GPATCH2: variants seen among roughly 807,000 people sequenced by gnomAD.
The protein encoded by GPATCH2 is G-patch domain containing 2.
GPATCH2 carries 51 observed loss-of-function variants against 58.0 expected under a neutral mutation model. The observed-to-expected ratio is 0.88, with a 90% CI of 0.70 to 1.11. The LOEUF (loss-of-function observed/expected upper bound fraction) is 1.11. Ranked by LOEUF, GPATCH2 falls within the 50% of genes most tolerant of loss-of-function variation. GPATCH2 has a pLI of 0.00. For synonymous variants in GPATCH2, 222 were observed against 218.5 expected (o/e 1.02, Z -0.14); for missense variants, 625 against 652.2 (o/e 0.96, Z 0.45).
intron 5 of GPATCH2, among the ~76,000 whole-genome samples, chr1:217,603,111 G>A (rs2102796524): frequency 6.6e-6 from 1 of 152,172 alleles, no homozygotes; most frequent in African/African-American, 2.4e-5. Context: ...CACATAGTAA[G>A]TAAGCATCAT....
chr1:217,494,293 G>A (rs1230557711), intron 7 of GPATCH2, among the ~76,000 whole-genome samples: 3 of 152,076 alleles, frequency 2.0e-5, no homozygotes, highest in African/African-American at 7.2e-5. Context: ...ATACATCTGG[G>A]GATACCACTG....
At chr1:217,432,208 T>C (rs1467228208) in intron 9 of GPATCH2, among the ~76,000 whole-genome samples, 1 of 152,068 alleles carries the variant, frequency 6.6e-6, no homozygotes, top group South Asian at 2.1e-4. Context: ...AGGAGATTGG[T>C]TAGTGCTTAA....
chr1:217,462,282 T>C (rs1035121702), intron 8 of GPATCH2, among the ~76,000 whole-genome samples: 2 of 152,180 alleles, frequency 1.3e-5, no homozygotes, highest in African/African-American at 4.8e-5. Flanking sequence ...TAGAAAAACA[T>C]ACAAGTCCCT....
Position 217,503,304 on chromosome 1 carries a change from G to C in GPATCH2, c.1167-4909C>G, listed in dbSNP as rs1662393238. On this transcript the variant is annotated intron_variant, in intron 6 of 9. Transcript: ENST00000366935. ...TAAAAAGTGACGTAGGAAGAAATCA[G>C]GAGTATAATATCATGGTAGGATGGA... Among the ~76,000 whole-genome samples the C allele has an allele frequency of 2.0e-5, 3 of 152,074 alleles. No individual in the cohort carries two copies. The South Asian group carries it at 6.2e-4, about 32-fold the overall frequency.
chr1:217,453,350 T>C (rs542103211), intron 8 of GPATCH2, among the ~76,000 whole-genome samples: 12 of 152,218 alleles, frequency 7.9e-5, no homozygotes, highest in African/African-American at 2.9e-4. Context: ...GATATTTGCA[T>C]GGGGAGGAAG....
chr1:217,516,715 G>A (rs895374095), intron 5 of GPATCH2, among the ~76,000 whole-genome samples: 1 of 152,186 alleles, frequency 6.6e-6, no homozygotes, highest in African/African-American at 2.4e-5. Flanking sequence ...TGCCAAGGCT[G>A]CTGACAACCT....
chr1:217,538,660 T>G (rs1664590117), intron 5 of GPATCH2, among the ~76,000 whole-genome samples: 1 of 152,132 alleles, frequency 6.6e-6, no homozygotes, highest in Non-Finnish European at 1.5e-5. Flanking sequence ...GACTGTGGCT[T>G]GGGTTGGAAG....
chr1:217,609,884 A>T (rs1668542175), intron 5 of GPATCH2: 1 of 920,398 alleles, frequency 1.1e-6, no homozygotes, highest in Non-Finnish European at 1.3e-6. Flanking sequence ...GATTCAATGT[A>T]AAAAAAAAAC....
chr1:217,489,994 T>C (rs1356563118), intron 8 of GPATCH2, among the ~76,000 whole-genome samples: 1 of 152,250 alleles, frequency 6.6e-6, no homozygotes, highest in South Asian at 2.1e-4. Flanking sequence ...AATCAGTATA[T>C]TGGCTCGTTA....
chr1:217,516,516 A>C (rs1251620672), intron 5 of GPATCH2, among the ~76,000 whole-genome samples: 1 of 152,174 alleles, frequency 6.6e-6, no homozygotes, highest in African/African-American at 2.4e-5. Context: ...TCTCAAAATG[A>C]GGTTTTCATG....
chr1:217,614,223 G>T lies in GPATCH2; in HGVS notation c.774-21C>A, dbSNP rs779471121. 7 of 1,444,606 alleles carry T rather than the reference G, an allele frequency of 4.8e-6. No individual in the cohort carries two copies. In the African/African-American group the frequency reaches 8.4e-5, roughly 17 times the overall value. 89.5% of individuals were successfully genotyped at this position (1,444,606 alleles called of 1,614,324 possible). A position where few individuals can be genotyped will look rare whatever the true frequency, so the allele number is the denominator to read the frequency against. On this transcript the variant is annotated intron_variant, in intron 2 of 9. Transcript: ENST00000366935. Reference sequence around the variant, plus strand: ...AATCACTGTAATAAGGAAAAAGAAAGAAACAGATCAAAAGAACAATTGATC... The same window carrying T: ...AATCACTGTAATAAGGAAAAAGAAATAAACAGATCAAAAGAACAATTGATC...
intron 9 of GPATCH2, among the ~76,000 whole-genome samples, chr1:217,436,720 T>G (rs1658852546): frequency 6.6e-6 from 1 of 152,168 alleles, no homozygotes; most frequent in Admixed American, 6.5e-5. Flanking sequence ...TTTCTTTTGA[T>G]CTTATCAACC....
intron 1 of GPATCH2, among the ~76,000 whole-genome samples, chr1:217,626,946 T>C (rs1313824024): frequency 6.6e-6 from 1 of 151,768 alleles, no homozygotes; most frequent in East Asian, 1.9e-4. Flanking sequence ...CAACTTTACA[T>C]TAATATTAGG....
chr1:217,483,611 G>A (rs991163893), intron 8 of GPATCH2, among the ~76,000 whole-genome samples: 1 of 152,126 alleles, frequency 6.6e-6, no homozygotes, highest in African/African-American at 2.4e-5. Flanking sequence ...TAACATTTTA[G>A]GAAACTTCAA....
intron 9 of GPATCH2, among the ~76,000 whole-genome samples, chr1:217,442,181 G>A (rs1319542220): frequency 1.3e-5 from 2 of 152,294 alleles, no homozygotes; most frequent in East Asian, 3.9e-4. Context: ...ATGAGTTCAT[G>A]TCCTTTGCAG....
chr1:217,443,157 A>G (rs1235020545), intron 9 of GPATCH2, among the ~76,000 whole-genome samples: 1 of 152,118 alleles, frequency 6.6e-6, no homozygotes, highest in African/African-American at 2.4e-5. Flanking sequence ...CACGCTCAAC[A>G]ATTTCTTTGC....
chr1:217,580,389 A>C (rs904253487), intron 5 of GPATCH2, among the ~76,000 whole-genome samples: 2 of 152,192 alleles, frequency 1.3e-5, no homozygotes, highest in Non-Finnish European at 2.9e-5. Flanking sequence ...TAGTAAGCTA[A>C]CCTTTCAACT....
chr1:217,442,106 T>C (rs1659170682), intron 9 of GPATCH2, among the ~76,000 whole-genome samples: 4 of 152,154 alleles, frequency 2.6e-5, no homozygotes, highest in Admixed American at 2.0e-4. Flanking sequence ...TGCCCATCAA[T>C]GATAGGCTGG....
In GPATCH2 at chr1:217,535,125, TC is replaced by T. The variant is rs1388644918; in HGVS notation, c.1099-20237del. Reference sequence around the variant, plus strand: ...GATTTCATAGATGTTATAGCCCCAATCTGCTTTACCAACAGGCTTGACATTT... The same window carrying T: ...GATTTCATAGATGTTATAGCCCCAATTGCTTTACCAACAGGCTTGACATTT... On this transcript the variant is annotated intron_variant, in intron 5 of 9. Coordinates refer to ENST00000366935, the MANE Select transcript of GPATCH2 (RefSeq NM_018040.5). Among the ~76,000 whole-genome samples the T allele has an allele frequency of 3.3e-5, 5 of 152,332 alleles. No homozygotes were observed. In the East Asian group the frequency reaches 9.7e-4, roughly 29 times the overall value.
Sources: gnomAD v4.1 joint callset for allele counts (sites outside exome capture counted in the v4.1 genomes callset) on GRCh38, gnomAD v4.1.1 for gene constraint, MANE v1.5 for transcripts, NCBI Gene and HGNC (gene_info 2026-07-23, HGNC 2026-07-21) for gene names.